The following MAML3 variants were observed in gnomAD, a reference collection of about 807,000 sequenced individuals.
MAML3 encodes mastermind like transcriptional coactivator 3, also known as mastermind-like protein 3.
In MAML3, 27 loss-of-function variants were observed where a neutral mutation model predicts 101.9. The ratio of observed to expected loss-of-function variants is 0.27; its 90% CI spans 0.20 to 0.37. MAML3 has a LOEUF of 0.37. MAML3 is among the 10% of genes least tolerant of loss of function. The probability of loss-of-function intolerance (pLI) is 1.00; values close to 1 mark genes in which losing one functional copy is unlikely to be tolerated. For synonymous variants in MAML3, 501 were observed against 555.9 expected, an observed-to-expected ratio of 0.90 and a Z score of 1.39; for missense variants, 1,316 against 1,444.9, an observed-to-expected ratio of 0.91 and a Z score of 1.45.
At chr4:140,047,469 C>T (rs745345173) in intron 1 of MAML3, among the ~76,000 whole-genome samples, 7 of 152,126 alleles carry the variant, frequency 4.6e-5, no homozygotes, top group Admixed American at 3.3e-4. Context: ...TTGGTGAAAC[C>T]GAGAGGGCTG....
At chr4:139,946,067 T>C (rs1733721252) in intron 1 of MAML3, among the ~76,000 whole-genome samples, 2 of 152,152 alleles carry the variant, frequency 1.3e-5, no homozygotes, top group African/African-American at 4.8e-5. Flanking sequence ...GAATGGAAAA[T>C]ACCAACAAAC....
At chr4:139,795,241 G>C (rs1730491398) in intron 2 of MAML3, among the ~76,000 whole-genome samples, 1 of 152,160 alleles carries the variant, frequency 6.6e-6, no homozygotes, top group Non-Finnish European at 1.5e-5. Context: ...ACATAATGTT[G>C]AATTTCACAG....
chr4:139,805,980 C>G (rs768790877), intron 2 of MAML3, among the ~76,000 whole-genome samples: 6 of 152,042 alleles, frequency 3.9e-5, no homozygotes, highest in Non-Finnish European at 7.4e-5. Context: ...GGGGGGATAT[C>G]TGAAGTTAGA....
chr4:139,859,930 G>C (rs1731738114), intron 2 of MAML3, among the ~76,000 whole-genome samples: 1 of 152,220 alleles, frequency 6.6e-6, no homozygotes, highest in Non-Finnish European at 1.5e-5. Context: ...AGAGCGGAGA[G>C]GCCTGAGCGC....
intron 2 of MAML3, among the ~76,000 whole-genome samples, chr4:139,877,149 A>G (rs923138189): frequency 1.3e-5 from 2 of 152,232 alleles, no homozygotes; most frequent in African/African-American, 4.8e-5. Context: ...TAAATTGCAT[A>G]ATCTCATGTG....
rs151256825 is a variant in MAML3 at position 139,812,376 on chromosome 4, CCTT to C, written c.2079+76978_2079+76980del. Among the ~76,000 whole-genome samples the C allele has an allele frequency of 2.5e-3, 387 of 152,312 alleles. 9 individuals carry two copies. The East Asian group carries it at 0.047, about 19-fold the overall frequency. On this transcript the variant is annotated intron_variant, in intron 2 of 4. Coordinates refer to ENST00000509479, the MANE Select transcript of MAML3 (RefSeq NM_018717.5). ...GTATTAGAAGTCGTAGACCCTGAGA[CCTT>C]CTCCCTCATCCCTCATTCCGTGCAT...
In MAML3 at chr4:139,890,858, C is replaced by T. The variant is rs376616820; in HGVS notation, c.578G>A (p.Arg193Gln). The T allele has an allele frequency of 3.9e-5, 63 of 1,613,776 alleles. 1 individual carries two copies. Among genetic ancestry groups the T allele is most frequent in the South Asian group, 8.8e-5 (8 of 91,058 alleles). Residue 193 changes from arginine (R) to glutamine (Q), a missense_variant, in exon 2 of 5, where the codon CGA (arginine) becomes CAA (glutamine). Physicochemically the swap from Arg to Gln is conservative, Grantham distance 43. Transcript: ENST00000509479. This position sits in a 1 kb window ranked among gnomAD's most constrained non-coding sequence, Gnocchi z 4.1. ...GNFSPTSKRI[R>Q]KDISAGMEAI... ...TTCCATCCCCGCAGAAATGTCCTTT[C>T]GAATTCGTTTGCTAGTCGGAGAAAA...
At chr4:140,136,130 CT>C (rs1473945836) in intron 1 of MAML3, among the ~76,000 whole-genome samples, 1 of 152,134 alleles carries the variant, frequency 6.6e-6, no homozygotes, top group Non-Finnish European at 1.5e-5. Context: ...AAATCCAAAC[CT>C]TTTGGCTCTC....
intron 1 of MAML3, among the ~76,000 whole-genome samples, chr4:139,945,118 T>C (rs895274511): frequency 2.0e-5 from 3 of 152,224 alleles, no homozygotes; most frequent in Non-Finnish European, 2.9e-5. Context: ...CAAGGCAGTT[T>C]CCAGGAAGTT....
chr4:140,050,432 C>T lies in MAML3; in HGVS notation c.468+102428G>A, dbSNP rs547730021. Among the ~76,000 whole-genome samples, 7 of 152,280 alleles carry T rather than the reference C, an allele frequency of 4.6e-5. No homozygotes were observed. In the South Asian group the frequency reaches 1.5e-3, roughly 32 times the overall value. On this transcript the variant is annotated intron_variant, in intron 1 of 4. Coordinates refer to ENST00000509479, the MANE Select transcript of MAML3 (RefSeq NM_018717.5). ...CTGGAGGGCACAGATGGGCCTCTGT[C>T]TGCCCTTCTAAACCAGACCCAATTA... is the stretch of plus-strand genomic sequence containing the variant.
chr4:139,933,199 C>T (rs1411302010), intron 1 of MAML3, among the ~76,000 whole-genome samples: 1 of 151,714 alleles, frequency 6.6e-6, no homozygotes, highest in East Asian at 1.9e-4. Flanking sequence ...GAAAGGGACA[C>T]ACGCATAGCC....
At chr4:140,103,594 C>T (rs116659121) in intron 1 of MAML3, among the ~76,000 whole-genome samples, 1,639 of 152,162 alleles carry the variant, frequency 0.011, 37 homozygotes, top group African/African-American at 0.037. Flanking sequence ...AAAATTAAAC[C>T]GGCATATTGG....
chr4:139,885,012 T>A (rs1732299910), intron 2 of MAML3, among the ~76,000 whole-genome samples: 1 of 152,320 alleles, frequency 6.6e-6, no homozygotes, highest in South Asian at 2.1e-4. Flanking sequence ...TTCTATTTCA[T>A]AACAAAAACA....
At chr4:140,092,543 T>C (rs1234086854) in intron 1 of MAML3, among the ~76,000 whole-genome samples, 1 of 152,032 alleles carries the variant, frequency 6.6e-6, no homozygotes. Flanking sequence ...AGAGCAGTAA[T>C]TGTCACTTAG....
chr4:139,834,726 C>A (rs1378802206), intron 2 of MAML3, among the ~76,000 whole-genome samples: 1 of 152,140 alleles, frequency 6.6e-6, no homozygotes. Flanking sequence ...TGAAGCAGTG[C>A]ATTTAATTGC....
chr4:139,892,408 T>A (rs1578650986), intron 1 of MAML3, among the ~76,000 whole-genome samples: 1 of 152,212 alleles, frequency 6.6e-6, no homozygotes, highest in East Asian at 1.9e-4. Flanking sequence ...AAAATATAAC[T>A]AATATGCCCC....
intron 2 of MAML3, among the ~76,000 whole-genome samples, chr4:139,818,611 T>C (rs1234343638): frequency 6.6e-6 from 1 of 152,184 alleles, no homozygotes; most frequent in Non-Finnish European, 1.5e-5. Flanking sequence ...CACTACAGAA[T>C]ACCAATGAGA....
rs77396603 is a variant in MAML3 at position 139,744,222 on chromosome 4, G to A, written c.2080-13555C>T. 5.4e-3 allele frequency among the ~76,000 whole-genome samples: 817 copies of A among 152,316 alleles called. 5 individuals are homozygous for A. The highest frequency in any genetic ancestry group is 0.018 in the African/African-American group (769 of 41,570). On this transcript the variant is annotated intron_variant, in intron 2 of 4. Transcript: ENST00000509479. ...GGTGGCTGACCTAATAGAGGTTCAG[G>A]GATCTGGTTTGAGAACATGGAGCCT... is the stretch of plus-strand genomic sequence containing the variant.
At chr4:139,732,601 G>T (rs1184746535) in intron 2 of MAML3, among the ~76,000 whole-genome samples, 1 of 149,606 alleles carries the variant, frequency 6.7e-6, no homozygotes, top group Non-Finnish European at 1.5e-5. Context: ...GTAACAGATA[G>T]CTTGTCTTTA....
Sources: gnomAD v4.1 joint callset for allele counts (sites outside exome capture counted in the v4.1 genomes callset) on GRCh38, gnomAD v4.1.1 for gene constraint, Gnocchi (gnomAD v3.1) non-coding constraint, MANE v1.5 for transcripts, NCBI Gene and HGNC (gene_info 2026-07-23, HGNC 2026-07-21) for gene names.